The following NKAIN4 variants were observed in gnomAD, a reference collection of about 807,000 sequenced individuals.
NKAIN4 encodes the protein sodium/potassium-transporting ATPase subunit beta-1-interacting protein 4.
A neutral mutation model predicts 28.8 loss-of-function variants in NKAIN4; 28 were observed. The observed-to-expected ratio is 0.97, with a 90% CI of 0.72 to 1.33. NKAIN4 has a LOEUF of 1.33. Among genes scored for constraint, NKAIN4 ranks in the 40% most tolerant of loss-of-function variants. The probability of loss-of-function intolerance (pLI) is 0.00; values close to 1 mark genes in which losing one functional copy is unlikely to be tolerated. For missense variants in NKAIN4, 289 were observed against 277.2 expected, an observed-to-expected ratio of 1.04 and a Z score of -0.30; for synonymous variants, 122 against 115.6, an observed-to-expected ratio of 1.06 and a Z score of -0.36.
Position 63,250,022 on chromosome 20 carries a change from C to T in NKAIN4, c.105G>A (p.Ala35=), listed in dbSNP as rs199529437. ...TGTGGACAAAGTTGGCCAGGATGGG[C>T]GCCCACTGGTAGCCCAGGAAGTCAA... The part of the protein sequence containing the change: ...QVFDFLGYQW[A]PILANFVHII... The change falls in exon 2 of 7, where the codon GCG becomes GCA. Residue 35 remains alanine, a synonymous_variant. Transcript: ENST00000370316. The T allele has an allele frequency of 1.2e-5, 20 of 1,607,038 alleles. No homozygotes were observed. Among genetic ancestry groups the T allele is most frequent in the East Asian group, 4.5e-5 (2 of 44,302 alleles).
At position 63,242,701 on chromosome 20, in the gene NKAIN4, G is replaced by A. The variant is rs2066778575; in HGVS notation, c.533-78C>T. ...TCAGAGTGGAAAACAAGCCCAACCA[G>A]ACAAAGAAGCCCAAGGGGTCCCTGG... On this transcript the variant is annotated intron_variant, in intron 5 of 6. Coordinates refer to ENST00000370316, the MANE Select transcript of NKAIN4 (RefSeq NM_152864.4). 4 of 961,038 alleles carry A rather than the reference G, an allele frequency of 4.2e-6. No homozygotes were observed. The Admixed American group carries it at 5.9e-5, about 14-fold the overall frequency. 59.5% of individuals were successfully genotyped at this position (961,038 alleles called of 1,614,324 possible). A position where few individuals can be genotyped will look rare whatever the true frequency, so the allele number is the denominator to read the frequency against.
At chr20:63,250,833 C>G (rs564342185) in intron 1 of NKAIN4, among the ~76,000 whole-genome samples, 183 of 152,246 alleles carry the variant, frequency 1.2e-3, no homozygotes, top group Non-Finnish European at 1.4e-3. Context: ...CCAGCTCCTT[C>G]CCACGTGCTG....
intron 3 of NKAIN4, 149 bp from the exon 4 acceptor site, chr20:63,247,924 G>T: frequency 8.3e-7 from 1 of 1,202,238 alleles, no homozygotes; most frequent in Non-Finnish European, 1.1e-6. Context: ...CCGCCCCCAG[G>T]GCTCCAGCCA....
At chr20:63,243,823 C>T in intron 5 of NKAIN4, 1 of 526,140 alleles carries the variant, frequency 1.9e-6, no homozygotes. Context: ...CCTGGAGCCC[C>T]CAGGCTAGGA....
At chr20:63,253,333 CT>C (rs2066994010) in intron 1 of NKAIN4, 1 of 985,190 alleles carries the variant, frequency 1.0e-6, no homozygotes, top group African/African-American at 1.7e-5. Flanking sequence ...CCGGAAGCTC[CT>C]TCCTTCCTGC....
chr20:63,245,064 C>A lies in NKAIN4; in HGVS notation c.472-980G>T, dbSNP rs950061211. Among the ~76,000 whole-genome samples, 4 of 152,188 alleles carry A rather than the reference C, an allele frequency of 2.6e-5. No individual in the cohort carries two copies. The highest frequency in any genetic ancestry group is 1.3e-4 in the Admixed American group (2 of 15,284). ...GAGGAGACAGGACACGCAGGCCAGG[C>A]CCCAGGGCTGGACATGCTTGGGCTC... is the stretch of plus-strand genomic sequence containing the variant. On this transcript the variant is annotated intron_variant, in intron 4 of 6. Transcript: ENST00000370316. This position sits in a 1 kb window ranked among gnomAD's most constrained non-coding sequence, Gnocchi z 4.7.
At position 63,254,388 on chromosome 20, in the gene NKAIN4, G is replaced by T. The variant is rs758024523; in HGVS notation, c.54+9C>A. ...GCTCCAGGAGGCTCGCGGAGGGGTC[G>T]CCACTCACCAGCTGAAAAGCGCAGA... On this transcript the variant is annotated intron_variant, in intron 1 of 6. Transcript: ENST00000370316. The T allele has an allele frequency of 8.3e-6, 12 of 1,449,326 alleles. No homozygotes were observed. Among genetic ancestry groups the T allele is most frequent in the Non-Finnish European group, 1.1e-5 (12 of 1,102,642 alleles). 89.8% of individuals were successfully genotyped at this position (1,449,326 alleles called of 1,614,324 possible).
chr20:63,253,593 A>G, intron 1 of NKAIN4: 4 of 835,634 alleles, frequency 4.8e-6, no homozygotes, highest in Non-Finnish European at 5.8e-6. Context: ...TTAGCATCGA[A>G]GCAAAGCAGC....
Position 63,241,471 on chromosome 20 carries a change from A to G in NKAIN4, c.*26T>C. The G allele has an allele frequency of 6.5e-7, 1 of 1,550,378 alleles. No homozygotes were observed. Among genetic ancestry groups the G allele is most frequent in the Non-Finnish European group, 8.7e-7 (1 of 1,146,870 alleles). ...GTCGGTCGCTGAGGCTGGAGGCCAC[A>G]GGAGCAGGATCAGCTGTTTCCTCAC... On this transcript the variant is annotated 3_prime_UTR_variant, in exon 7 of 7. Coordinates refer to ENST00000370316, the MANE Select transcript of NKAIN4 (RefSeq NM_152864.4).
chr20:63,249,471 A>C (rs1380817204), intron 2 of NKAIN4, among the ~76,000 whole-genome samples: 1 of 152,228 alleles, frequency 6.6e-6, no homozygotes, highest in Non-Finnish European at 1.5e-5. Flanking sequence ...TTGGTTCTGC[A>C]CTGAATGAAA....
At chr20:63,246,163 C>T (rs367606455) in intron 4 of NKAIN4, among the ~76,000 whole-genome samples, 21 of 152,300 alleles carry the variant, frequency 1.4e-4, no homozygotes, top group African/African-American at 4.3e-4. Flanking sequence ...CTCCTGACCT[C>T]GTGATCCGCC....
intron 1 of NKAIN4, among the ~76,000 whole-genome samples, chr20:63,251,696 T>C (rs1000692981): frequency 2.0e-5 from 3 of 152,236 alleles, no homozygotes; most frequent in South Asian, 2.1e-4. Flanking sequence ...ATTATTATAA[T>C]ACGGGAACAA....
intron 6 of NKAIN4, 68 bp downstream of exon 6, chr20:63,242,471 C>T: frequency 5.5e-6 from 6 of 1,092,022 alleles, no homozygotes; most frequent in Non-Finnish European, 8.5e-6. Flanking sequence ...CCAAGGAAGG[C>T]AGCCTCTCGC....
upstream of NKAIN4, chr20:63,254,772 G>A (rs1028188123): frequency 4.2e-6 from 1 of 235,578 alleles, no homozygotes; most frequent in Non-Finnish European, 8.2e-6. Context: ...AGCCCGCCCT[G>A]GACGCGGCAG....
At chr20:63,247,832 C>A in intron 3 of NKAIN4, 57 bp from the exon 4 acceptor site, 1 of 1,413,500 alleles carries the variant, frequency 7.1e-7, no homozygotes, top group African/African-American at 1.4e-5. Context: ...GCGGCCTCAC[C>A]CACTGCAGCC....
chr20:63,247,445 T>C lies in NKAIN4; in HGVS notation c.471+133A>G, dbSNP rs749240694. On this transcript the variant is annotated intron_variant, in intron 4 of 6. Coordinates refer to ENST00000370316, the MANE Select transcript of NKAIN4 (RefSeq NM_152864.4). ...GATACCTTAACCTCTCCAGCAAGGGTGGGGGATGAGGAAGGCAGAGACACG... is the reference window on the plus strand; with the variant it reads ...GATACCTTAACCTCTCCAGCAAGGGCGGGGGATGAGGAAGGCAGAGACACG... 247 of 1,544,010 alleles carry C rather than the reference T, an allele frequency of 1.6e-4. 4 individuals carry two copies. In the South Asian group the frequency reaches 2.1e-3, roughly 13 times the overall value.
chr20:63,249,322 G>C (rs1409759992), intron 2 of NKAIN4: 1 of 233,232 alleles, frequency 4.3e-6, no homozygotes, highest in Non-Finnish European at 8.7e-6. Flanking sequence ...AAAGTTTTGC[G>C]GACACAGCCA....
chr20:63,254,398 A>C lies in NKAIN4; in HGVS notation c.53T>G (p.Leu18Arg), dbSNP rs954372182. 3.2e-5 allele frequency: 47 copies of C among 1,451,922 alleles called. No individual in the cohort carries two copies. The highest frequency in any genetic ancestry group is 4.8e-4 in the Middle Eastern group (2 of 4,152). The allele number at this position is 1,451,922 out of a possible 1,614,324, so 89.9% of individuals were successfully genotyped here. ...CALVVLCAFQ[L>R]VAALERQVFD... is the part of the protein sequence containing the mutation. ...GCTCGCGGAGGGGTCGCCACTCACCAGCTGAAAAGCGCAGAGGACGACGAG... is the reference window on the plus strand; with the variant it reads ...GCTCGCGGAGGGGTCGCCACTCACCCGCTGAAAAGCGCAGAGGACGACGAG... The change falls in exon 1 of 7, where the codon CTG becomes CGG. Residue 18 changes from leucine to arginine, a missense_variant and splice_region_variant. By Grantham distance (102) the Leu-to-Arg change is moderately radical. Transcript: ENST00000370316.
chr20:63,254,494 C>CCCCCGCCCCCGCTCCGCCCGCT (rs1568716459), upstream of NKAIN4: 8 of 1,242,134 alleles, frequency 6.4e-6, no homozygotes, highest in African/African-American at 1.3e-4. Flanking sequence ...CCGCGCTCGG[C>CCCCCGCCCCCGCTCCGCCCGCT]CCCCGCCCCC....
Sources: gnomAD v4.1 joint callset for allele counts (sites outside exome capture counted in the v4.1 genomes callset) on GRCh38, gnomAD v4.1.1 for gene constraint, Gnocchi (gnomAD v3.1) non-coding constraint, MANE v1.5 for transcripts, NCBI Gene and HGNC (gene_info 2026-07-23, HGNC 2026-07-21) for gene names.